Variants in CSGALNACT1 observed in about 807,000 individuals in gnomAD.
CSGALNACT1 encodes the protein chondroitin sulfate N-acetylgalactosaminyltransferase 1.
In CSGALNACT1, 52 loss-of-function variants were observed where a neutral mutation model predicts 51.0. That is an observed-to-expected ratio of 1.02 (90% confidence interval 0.82 to 1.29). CSGALNACT1 has a LOEUF of 1.29. Among genes scored for constraint, CSGALNACT1 ranks in the 50% most tolerant of loss-of-function variants. The probability of loss-of-function intolerance (pLI) is 0.00; values close to 1 mark genes in which losing one functional copy is unlikely to be tolerated. For synonymous variants in CSGALNACT1, 341 were observed against 254.4 expected, an observed-to-expected ratio of 1.34 and a Z score of -3.24; for missense variants, 935 against 679.2, an observed-to-expected ratio of 1.38 and a Z score of -4.19.
At chr8:19,464,620 G>A (rs369536229) in intron 4 of CSGALNACT1, among the ~76,000 whole-genome samples, 1 of 152,140 alleles carries the variant, frequency 6.6e-6, no homozygotes, top group African/African-American at 2.4e-5. Context: ...GTGGGTGAGT[G>A]AGCATGACTG....
intron 1 of CSGALNACT1, among the ~76,000 whole-genome samples, chr8:19,747,514 T>C (rs2064753672): frequency 6.6e-6 from 1 of 152,188 alleles, no homozygotes; most frequent in African/African-American, 2.4e-5. Context: ...CTTAAGTGAA[T>C]AATATGTTCT....
intron 5 of CSGALNACT1, chr8:19,457,526 T>C (rs1310067393): frequency 4.3e-6 from 2 of 470,164 alleles, no homozygotes; most frequent in African/African-American, 2.0e-5. Flanking sequence ...GGCAGGAGAA[T>C]TACCTGAACC....
intron 3 of CSGALNACT1, among the ~76,000 whole-genome samples, chr8:19,513,341 A>G (rs1422876971): frequency 5.3e-5 from 8 of 151,302 alleles, no homozygotes; most frequent in Non-Finnish European, 8.8e-5. Context: ...GAAAGCCACT[A>G]TAATGATTGA....
At chr8:19,684,127 T>C (rs986542680), upstream of CSGALNACT1, among the ~76,000 whole-genome samples, 4 of 152,046 alleles carry the variant, frequency 2.6e-5, no homozygotes, top group South Asian at 2.1e-4. Context: ...GATAGTGCCA[T>C]TGCACTCTAG....
intron 1 of CSGALNACT1, among the ~76,000 whole-genome samples, chr8:19,719,477 C>A (rs149570817): frequency 1.5e-4 from 23 of 152,274 alleles, no homozygotes; most frequent in African/African-American, 5.3e-4. Context: ...AACCTGGGTA[C>A]ATTAAACATC....
chr8:19,627,848 GA>G (rs1206461282), intron 1 of CSGALNACT1, among the ~76,000 whole-genome samples: 5 of 152,094 alleles, frequency 3.3e-5, no homozygotes, highest in Non-Finnish European at 7.4e-5. Flanking sequence ...AAAGCAGGAT[GA>G]AAAAACTAGT....
chr8:19,462,473 C>G (rs929496033), intron 4 of CSGALNACT1, among the ~76,000 whole-genome samples: 2 of 152,142 alleles, frequency 1.3e-5, no homozygotes, highest in Non-Finnish European at 2.9e-5. Context: ...AGATGGACAT[C>G]TATTTATGAA....
At chr8:19,751,510 G>C (rs1459982936) in intron 1 of CSGALNACT1, among the ~76,000 whole-genome samples, 1 of 152,110 alleles carries the variant, frequency 6.6e-6, no homozygotes, top group East Asian at 1.9e-4. Flanking sequence ...CTCTGTTCCA[G>C]ATTATTGCGA....
At chr8:19,625,026 T>C (rs2054274155) in intron 1 of CSGALNACT1, among the ~76,000 whole-genome samples, 1 of 152,152 alleles carries the variant, frequency 6.6e-6, no homozygotes, top group Admixed American at 6.5e-5. Flanking sequence ...ACCCAGCTAG[T>C]AGATGCAGAG....
At chr8:19,579,174 T>C (rs1278553474) in intron 3 of CSGALNACT1, among the ~76,000 whole-genome samples, 1 of 152,168 alleles carries the variant, frequency 6.6e-6, no homozygotes, top group East Asian at 1.9e-4. Flanking sequence ...TTAGGAGAAA[T>C]TCCAAAATCC....
chr8:19,437,301 G>A (rs2060531492), intron 6 of CSGALNACT1, among the ~76,000 whole-genome samples: 1 of 152,178 alleles, frequency 6.6e-6, no homozygotes, highest in African/African-American at 2.4e-5. Flanking sequence ...AATAATGGGA[G>A]TGCAGACAAA....
chr8:19,599,472 A>AAAAGAAAG (rs201098374), intron 2 of CSGALNACT1, among the ~76,000 whole-genome samples: 15,878 of 113,504 alleles, frequency 0.14, 1,405 homozygotes, highest in Admixed American at 0.18. Flanking sequence ...GAAAGAAAGA[A>AAAAGAAAG]AAAGAAAGAA....
chr8:19,412,806 C>T (rs1472825515), intron 8 of CSGALNACT1, among the ~76,000 whole-genome samples: 6 of 152,164 alleles, frequency 3.9e-5, no homozygotes, highest in East Asian at 3.9e-4. Flanking sequence ...GCTATGAGGA[C>T]GTCTGTGTCC....
At chr8:19,698,933 C>T (rs1344675907) in intron 1 of CSGALNACT1, among the ~76,000 whole-genome samples, 2 of 152,322 alleles carry the variant, frequency 1.3e-5, no homozygotes, top group South Asian at 4.1e-4. Context: ...TTGCATGTGA[C>T]CTAGGAACAT....
At chr8:19,720,735 T>A (rs942229383) in intron 1 of CSGALNACT1, among the ~76,000 whole-genome samples, 2 of 152,184 alleles carry the variant, frequency 1.3e-5, no homozygotes, top group African/African-American at 4.8e-5. Context: ...GAAAAAGCTT[T>A]CCTCCATCGC....
chr8:19,571,912 T>G (rs577709723), intron 3 of CSGALNACT1, among the ~76,000 whole-genome samples: 1 of 152,366 alleles, frequency 6.6e-6, no homozygotes, highest in African/African-American at 2.4e-5. Flanking sequence ...AAAGATAAGA[T>G]GGATTTATTT....
At chr8:19,457,626 T>C in intron 5 of CSGALNACT1, 1 of 1,260,614 alleles carries the variant, frequency 7.9e-7, no homozygotes, top group Non-Finnish European at 1.0e-6. Flanking sequence ...AAAAAAGAAA[T>C]AAAAAATCAG....
chr8:19,467,661 T>C (rs149988886), intron 4 of CSGALNACT1, among the ~76,000 whole-genome samples: 10 of 152,172 alleles, frequency 6.6e-5, no homozygotes, highest in Middle Eastern at 3.4e-3. Flanking sequence ...GCATGGCTAA[T>C]ATTAATGATG....
intron 3 of CSGALNACT1, among the ~76,000 whole-genome samples, chr8:19,584,620 A>G (rs965973014): frequency 6.6e-6 from 1 of 152,242 alleles, no homozygotes; most frequent in South Asian, 2.1e-4. Context: ...TTGACTATTC[A>G]GAAATCAAAA....
Sources: allele counts gnomAD v4.1 joint callset (sites outside exome capture counted in the v4.1 genomes callset), GRCh38; gene constraint gnomAD v4.1.1; transcripts MANE v1.5; gene names NCBI Gene and HGNC (gene_info 2026-07-23, HGNC 2026-07-21).